Variants in SBF2 observed in about 807,000 individuals in gnomAD.
The protein encoded by SBF2 is SET binding factor 2.
A neutral mutation model predicts 225.2 loss-of-function variants in SBF2; 112 were observed. The observed-to-expected ratio is 0.50, with a 90% CI of 0.43 to 0.58. The LOEUF is 0.58. Among genes scored for constraint, SBF2 ranks in the 20% least tolerant of loss-of-function variants. The probability of loss-of-function intolerance (pLI) is 0.00; values close to 1 mark genes in which losing one functional copy is unlikely to be tolerated. For missense variants in SBF2, 1,996 were observed against 2,206.2 expected, an observed-to-expected ratio of 0.90 and a Z score of 1.91; for synonymous variants, 763 against 773.3, an observed-to-expected ratio of 0.99 and a Z score of 0.22.
intron 2 of SBF2, among the ~76,000 whole-genome samples, chr11:10,136,767 T>C (rs1954375812): frequency 6.6e-6 from 1 of 152,258 alleles, no homozygotes; most frequent in South Asian, 2.1e-4. Flanking sequence ...CTGCTTGGTG[T>C]GGAACACCCA....
chr11:9,859,909 G>A (rs1319401016), intron 17 of SBF2, among the ~76,000 whole-genome samples: 3 of 152,198 alleles, frequency 2.0e-5, no homozygotes, highest in East Asian at 3.9e-4. Flanking sequence ...TGCTGCTGAG[G>A]TAACTGGCTA....
In SBF2 at chr11:10,207,733, G is replaced by A. The variant is rs999901204; in HGVS notation, c.56-13746C>T. On this transcript the variant is annotated intron_variant, in intron 1 of 39. Coordinates refer to ENST00000256190, the MANE Select transcript of SBF2 (RefSeq NM_030962.4). ...TCTCCTAATACTTCCTTTTCTATGG[G>A]AAAAAAAAACTAGATCATACAAGGG... 2.7e-5 allele frequency among the ~76,000 whole-genome samples: 4 copies of A among 150,190 alleles called. 1 individual carries two copies. The highest frequency in any genetic ancestry group is 4.4e-5 in the Non-Finnish European group (3 of 67,510).
chr11:9,834,164 C>T (rs1025885906), intron 26 of SBF2, among the ~76,000 whole-genome samples: 3 of 151,690 alleles, frequency 2.0e-5, no homozygotes, highest in African/African-American at 7.3e-5. Flanking sequence ...GCGATCTTGG[C>T]TCACTGCAAC....
At chr11:10,180,177 T>G (rs1956677496) in intron 2 of SBF2, among the ~76,000 whole-genome samples, 1 of 152,156 alleles carries the variant, frequency 6.6e-6, no homozygotes, top group African/African-American at 2.4e-5. Context: ...CCAGTGAGTT[T>G]TGTACCTTCA....
intron 2 of SBF2, among the ~76,000 whole-genome samples, chr11:10,128,556 T>C (rs1565261223): frequency 6.6e-6 from 1 of 152,204 alleles, no homozygotes; most frequent in Non-Finnish European, 1.5e-5. Flanking sequence ...CAACATGCTC[T>C]AATCCCAAGA....
intron 17 of SBF2, among the ~76,000 whole-genome samples, chr11:9,859,989 G>T (rs1857598479): frequency 6.6e-6 from 1 of 152,090 alleles, no homozygotes; most frequent in African/African-American, 2.4e-5. Flanking sequence ...GTTCTTTGAG[G>T]GTGCACAGGG....
intron 2 of SBF2, among the ~76,000 whole-genome samples, chr11:10,066,166 T>A (rs1453069960): frequency 6.6e-6 from 1 of 151,934 alleles, no homozygotes; most frequent in African/African-American, 2.4e-5. Flanking sequence ...TAACAGCAAT[T>A]CTACCCAAAC....
intron 16 of SBF2, among the ~76,000 whole-genome samples, chr11:9,942,997 AAGAAAGAAAGAAAG>A: frequency 6.8e-6 from 1 of 147,710 alleles, no homozygotes; most frequent in South Asian, 2.1e-4. Context: ...GAAAGAAAGA[AAGAAAGAAAGAAAG>A]AGAAAGAAAG....
chr11:10,106,138 G>A (rs1952540727), intron 2 of SBF2, among the ~76,000 whole-genome samples: 2 of 152,180 alleles, frequency 1.3e-5, no homozygotes, highest in African/African-American at 4.8e-5. Flanking sequence ...CTTGCAAGTA[G>A]TGAACATAGT....
intron 1 of SBF2, among the ~76,000 whole-genome samples, chr11:10,236,057 C>T (rs972340336): frequency 2.6e-5 from 4 of 152,090 alleles, no homozygotes; most frequent in South Asian, 2.1e-4. Context: ...GGCAACAGAG[C>T]GAGATCTTGT....
intron 17 of SBF2, among the ~76,000 whole-genome samples, chr11:9,870,865 T>C (rs1043309751): frequency 2.0e-5 from 3 of 151,748 alleles, no homozygotes; most frequent in Non-Finnish European, 4.4e-5. Context: ...TCCCAGCTAC[T>C]TGGGAGGCTG....
chr11:10,068,674 TAATA>T (rs1402502117), intron 2 of SBF2, among the ~76,000 whole-genome samples: 1 of 152,190 alleles, frequency 6.6e-6, no homozygotes, highest in Non-Finnish European at 1.5e-5. Flanking sequence ...AGTAAATATT[TAATA>T]AATAGTAGCT....
intron 13 of SBF2, among the ~76,000 whole-genome samples, chr11:9,984,625 T>C (rs1195654391): frequency 6.6e-6 from 1 of 152,142 alleles, no homozygotes; most frequent in Non-Finnish European, 1.5e-5. Context: ...AGGCACATTG[T>C]CATCAGGTTA....
chr11:9,905,519 A>G (rs1343163532), intron 16 of SBF2, among the ~76,000 whole-genome samples: 2 of 152,236 alleles, frequency 1.3e-5, no homozygotes, highest in Non-Finnish European at 2.9e-5. Flanking sequence ...TAATGAACTC[A>G]GGAATCTCTT....
chr11:9,785,466 A>C, intron 36 of SBF2, 148 bp from the exon 37 acceptor site: 1 of 696,254 alleles, frequency 1.4e-6, no homozygotes, highest in Non-Finnish European at 2.5e-6. Context: ...AGAGTTAGTT[A>C]TCGTGGTAAA....
chr11:10,066,994 T>C (rs1950649758), intron 2 of SBF2, among the ~76,000 whole-genome samples: 1 of 152,162 alleles, frequency 6.6e-6, no homozygotes, highest in Admixed American at 6.5e-5. Context: ...GAATATGAAC[T>C]AGGCTAGGTA....
intron 6 of SBF2, among the ~76,000 whole-genome samples, chr11:10,003,770 T>C (rs1185801448): frequency 6.6e-6 from 1 of 152,058 alleles, no homozygotes; most frequent in African/African-American, 2.4e-5. Flanking sequence ...TCTTTTTCTA[T>C]TTTTTTAGTG....
chr11:10,291,139 T>C (rs1258356365), intron 1 of SBF2, among the ~76,000 whole-genome samples: 4 of 152,190 alleles, frequency 2.6e-5, no homozygotes, highest in Non-Finnish European at 5.9e-5. Context: ...AATAATGCTA[T>C]AGTCTGAATG....
At chr11:9,941,354 A>C (rs1013901310) in intron 16 of SBF2, among the ~76,000 whole-genome samples, 1 of 152,134 alleles carries the variant, frequency 6.6e-6, no homozygotes, top group Admixed American at 6.5e-5. Flanking sequence ...AAATTATCCC[A>C]AAGAAAACAT....
Sources: allele counts gnomAD v4.1 joint callset (sites outside exome capture counted in the v4.1 genomes callset), GRCh38; gene constraint gnomAD v4.1.1; transcripts MANE v1.5; gene names NCBI Gene and HGNC (gene_info 2026-07-23, HGNC 2026-07-21).